NPC1: variants seen among roughly 807,000 people sequenced by gnomAD.
The protein encoded by NPC1 is NPC intracellular cholesterol transporter 1, also known as Niemann-Pick C1 protein.
NPC1 carries 85 observed loss-of-function variants against 140.4 expected under a neutral mutation model. The observed-to-expected ratio is 0.61, with a 90% CI of 0.51 to 0.72. The LOEUF (loss-of-function observed/expected upper bound fraction) is 0.72, where lower values mean the gene tolerates loss of function less well. Among genes scored for constraint, NPC1 ranks in the 30% least tolerant of loss-of-function variants. The pLI, the probability that NPC1 is intolerant of heterozygous loss-of-function variation, is 0.00. For synonymous variants in NPC1, 656 were observed against 624.8 expected, an observed-to-expected ratio of 1.05 and a Z score of -0.74; for missense variants, 1,504 against 1,623.8, an observed-to-expected ratio of 0.93 and a Z score of 1.27.
chr18:23,533,961 T>A lies in NPC1; in HGVS notation c.3592-444A>T, dbSNP rs960129505. On this transcript the variant is annotated intron_variant, in intron 23 of 24. Coordinates refer to ENST00000269228, the MANE Select transcript of NPC1 (RefSeq NM_000271.5). The stretch of plus-strand genomic sequence containing the variant: ...TATTCTGCACAGACACTGCATCGTG[T>A]CTCCCAATTGATTATCTTTCTTTAT... 3.8e-5 allele frequency: 12 copies of A among 318,386 alleles called. No homozygotes were observed. In the East Asian group the frequency reaches 8.1e-4, roughly 21 times the overall value. The allele number at this position is 318,386 out of a possible 1,614,324, so 19.7% of individuals were successfully genotyped here. A position where few individuals can be genotyped will look rare whatever the true frequency, so the allele number is the denominator to read the frequency against.
At position 23,573,548 on chromosome 18, in the gene NPC1, A is replaced by G. The variant is rs2145552359; in HGVS notation, c.84T>C (p.Tyr28=). The G allele has an allele frequency of 3.7e-6, 6 of 1,614,142 alleles. No homozygotes were observed. The highest frequency in any genetic ancestry group is 5.1e-6 in the Non-Finnish European group (6 of 1,180,008). The change falls in exon 2 of 25, where the codon TAT becomes TAC. Residue 28 remains tyrosine (Y), a synonymous_variant. Coordinates refer to ENST00000269228, the MANE Select transcript of NPC1 (RefSeq NM_000271.5). ...CCCCATATGCAATTCCACACTCTCCATACCAAACACAGGACTGTGAAAACA... is the reference window on the plus strand; with the variant it reads ...CCCCATATGCAATTCCACACTCTCCGTACCAAACACAGGACTGTGAAAACA... ...AQVFSQSCVW[Y]GECGIAYGDK...
chr18:23,556,032 A>G (rs1286114745), intron 8 of NPC1, among the ~76,000 whole-genome samples: 2 of 152,234 alleles, frequency 1.3e-5, no homozygotes, highest in Admixed American at 6.5e-5. Flanking sequence ...AAGTAAATAC[A>G]AAAGTGAGCA....
downstream of NPC1, chr18:23,520,087 A>T (rs2276260): frequency 9.5e-4 from 695 of 734,934 alleles, 15 homozygotes; most frequent in East Asian, 0.017. Flanking sequence ...GCCTGTAGGG[A>T]GGAAATGCAA....
intron 23 of NPC1, chr18:23,533,965 C>T: frequency 3.2e-6 from 1 of 314,056 alleles, no homozygotes; most frequent in Non-Finnish European, 6.1e-6. Context: ...ATCGTGTCTC[C>T]CAATTGATTA....
At chr18:23,529,270 A>G, downstream of NPC1, 2 of 1,613,678 alleles carry the variant, frequency 1.2e-6, no homozygotes, top group East Asian at 2.2e-5. Flanking sequence ...GTGTACACCC[A>G]TGTCCTGTCA....
intron 18 of NPC1, 53 bp from the exon 19 acceptor site, chr18:23,539,523 G>T: frequency 7.9e-7 from 1 of 1,265,376 alleles, no homozygotes; most frequent in Non-Finnish European, 1.1e-6. Flanking sequence ...GAAGTCTTTA[G>T]TTTCAGTACT....
In NPC1 at chr18:23,531,977, C is replaced by T. The variant is rs996615414; in HGVS notation, c.*225G>A. On this transcript the variant is annotated 3_prime_UTR_variant, in exon 25 of 25. Transcript: ENST00000269228. ...GAATGAGGTTTCTTTCCTGAAGAGG[C>T]TGGGAGAAGTTTAGTGTCCTGTGGT... The T allele has an allele frequency of 6.9e-7, 1 of 1,454,638 alleles. No individual in the cohort carries two copies. Among genetic ancestry groups the T allele is most frequent in the African/African-American group, 1.4e-5 (1 of 69,996 alleles). The allele number at this position is 1,454,638 out of a possible 1,614,324, so 90.1% of individuals were successfully genotyped here. A position where few individuals can be genotyped will look rare whatever the true frequency, so the allele number is the denominator to read the frequency against.
At chr18:23,538,755 G>A (rs2145367609) in intron 19 of NPC1, 84 bp from the exon 20 acceptor site, 1 of 1,403,320 alleles carries the variant, frequency 7.1e-7, no homozygotes, top group Non-Finnish European at 1.0e-6. Context: ...GACAGTGAGG[G>A]GCATTACTTT....
chr18:23,576,121 G>A (rs143834309), intron 1 of NPC1, among the ~76,000 whole-genome samples: 1,573 of 152,284 alleles, frequency 0.01, 30 homozygotes, highest in African/African-American at 0.036. Flanking sequence ...CTACTTAGGA[G>A]GCTGAGGCAA....
At chr18:23,563,771 C>T (rs2059078380) in intron 4 of NPC1, among the ~76,000 whole-genome samples, 1 of 152,090 alleles carries the variant, frequency 6.6e-6, no homozygotes, top group African/African-American at 2.4e-5. Flanking sequence ...GCCTTGTCAA[C>T]ACTTCTTGTT....
intron 23 of NPC1, 54 bp downstream of exon 23, chr18:23,534,392 G>A (rs2058592713): frequency 1.7e-6 from 2 of 1,175,608 alleles, no homozygotes; most frequent in Non-Finnish European, 2.5e-6. Context: ...AGTCACTGAG[G>A]AGGATTACTT....
chr18:23,507,965 C>T lies in NPC1; in HGVS notation c.432-1323G>A, dbSNP rs775071212. On this transcript the variant is annotated intron_variant, in intron 3 of 3. Transcript: ENST00000591107. The stretch of plus-strand genomic sequence containing the variant: ...CTGCCTAATCCAAATTTGTGTGTGT[C>T]TGTGTGTTTTTCCTTTCAGGATTTT... The T allele has an allele frequency of 3.7e-6, 6 of 1,608,276 alleles. No individual in the cohort carries two copies. In the African/African-American group the frequency reaches 8.0e-5, roughly 21 times the overall value.
chr18:23,555,501 G>T (rs1360571877), intron 8 of NPC1, among the ~76,000 whole-genome samples: 1 of 152,260 alleles, frequency 6.6e-6, no homozygotes, highest in Non-Finnish European at 1.5e-5. Flanking sequence ...ACTGGGTAGA[G>T]AAAAGATTCA....
At chr18:23,533,798 G>A (rs943623529) in intron 23 of NPC1, 1 of 445,576 alleles carries the variant, frequency 2.2e-6, no homozygotes, top group Admixed American at 3.5e-5. Context: ...GAGCCACCGT[G>A]GCCAGCCCTT....
chr18:23,575,933 A>T lies in NPC1; in HGVS notation c.58-2359T>A, dbSNP rs775205376. On this transcript the variant is annotated intron_variant, in intron 1 of 24. Transcript: ENST00000269228. ...GAAACCCTGTCTCTTAAAAACAACA[A>T]CAACAACAGGCCGGGCACGGTGGCT... Among the ~76,000 whole-genome samples, 61 of 152,068 alleles carry T rather than the reference A, an allele frequency of 4.0e-4. 1 individual carries two copies. The highest frequency in any genetic ancestry group is 2.0e-4 in the Admixed American group (3 of 15,262).
chr18:23,534,902 T>C (rs2058603558), intron 22 of NPC1, among the ~76,000 whole-genome samples: 1 of 152,194 alleles, frequency 6.6e-6, no homozygotes, highest in Non-Finnish European at 1.5e-5. Context: ...GAAGCAGGGC[T>C]CATATCTGAG....
At chr18:23,525,707 G>GC (rs1278224022), downstream of NPC1, among the ~76,000 whole-genome samples, 1 of 152,216 alleles carries the variant, frequency 6.6e-6, no homozygotes, top group African/African-American at 2.4e-5. Flanking sequence ...ACAGGTGTGA[G>GC]CCACCACAGC....
At chr18:23,563,265 T>C (rs2059070819) in intron 4 of NPC1, among the ~76,000 whole-genome samples, 1 of 152,264 alleles carries the variant, frequency 6.6e-6, no homozygotes, top group Non-Finnish European at 1.5e-5. Flanking sequence ...TGTTTATCCA[T>C]ATATCAGGTG....
chr18:23,536,579 T>G (rs886878392), intron 21 of NPC1, 94 bp downstream of exon 21: 8 of 1,127,208 alleles, frequency 7.1e-6, no homozygotes, highest in Non-Finnish European at 1.0e-5. Context: ...GAACCCAACC[T>G]GAAAATCAGC....
Sources: gnomAD v4.1 joint callset for allele counts (sites outside exome capture counted in the v4.1 genomes callset) on GRCh38, gnomAD v4.1.1 for gene constraint, MANE v1.5 for transcripts, NCBI Gene and HGNC (gene_info 2026-07-23, HGNC 2026-07-21) for gene names.